Variants in TTL observed in about 807,000 individuals in gnomAD.
TTL encodes tubulin tyrosine ligase, also known as tubulin--tyrosine ligase.
TTL carries 10 observed loss-of-function variants against 41.1 expected under a neutral mutation model. The observed-to-expected ratio is 0.24, with a 90% confidence interval of 0.15 to 0.41. TTL has a LOEUF of 0.41. Ranked by LOEUF, TTL falls within the 10% of genes least tolerant of loss-of-function variation. TTL has a pLI of 1.00. For missense variants in TTL, 367 were observed against 460.4 expected, an observed-to-expected ratio of 0.80 and a Z score of 1.86; for synonymous variants, 175 against 175.5, an observed-to-expected ratio of 1.00 and a Z score of 0.02.
intron 6 of TTL, 30 bp from the exon 7 acceptor site, chr2:112,528,651 C>A: frequency 6.4e-7 from 1 of 1,564,442 alleles, no homozygotes; most frequent in South Asian, 1.1e-5. Flanking sequence ...GATGAACATC[C>A]TCAATGATAT....
chr2:112,520,557 G>A, intron 6 of TTL, 132 bp downstream of exon 6: 2 of 1,258,926 alleles, frequency 1.6e-6, no homozygotes, highest in Non-Finnish European at 2.2e-6. Flanking sequence ...CCCTTGGGAG[G>A]ACTCTATCTG....
intron 3 of TTL, among the ~76,000 whole-genome samples, chr2:112,499,763 A>G (rs983901339): frequency 1.1e-4 from 16 of 152,240 alleles, no homozygotes; most frequent in Admixed American, 3.9e-4. Context: ...ACAACTTTCA[A>G]AACTTAACAG....
intron 4 of TTL, 54 bp from the exon 5 acceptor site, chr2:112,502,858 A>G: frequency 6.4e-7 from 1 of 1,560,510 alleles, no homozygotes; most frequent in Non-Finnish European, 8.7e-7. Context: ...GATGTATATA[A>G]TATGCAGAAA....
At position 112,482,359 on chromosome 2, in the gene TTL, G is replaced by A. The variant is rs1397665185; in HGVS notation, c.15G>A (p.Val5=). The part of the protein sequence containing the change: MYTF[V]VRDENSSVYA... ...GGCGCTTCGCCATGTACACCTTCGT[G>A]GTACGCGATGAGAACAGCAGCGTCT... The change falls in exon 1 of 7, where the codon GTG becomes GTA. Residue 5 remains valine, a synonymous_variant. Coordinates refer to ENST00000233336, the MANE Select transcript of TTL (RefSeq NM_153712.5). The surrounding 1 kb of genome is among the most constrained non-coding windows in gnomAD (Gnocchi z 5.3). 6 of 1,562,170 alleles carry A rather than the reference G, an allele frequency of 3.8e-6. No individual in the cohort carries two copies. Among genetic ancestry groups the A allele is most frequent in the South Asian group, 2.3e-5 (2 of 85,310 alleles).
Position 112,519,249 on chromosome 2 carries a change from A to G in TTL, c.876-1033A>G, listed in dbSNP as rs928702020. Among the ~76,000 whole-genome samples, 7 of 152,348 alleles carry G rather than the reference A, an allele frequency of 4.6e-5. No individual in the cohort carries two copies. The East Asian group carries it at 7.7e-4, about 17-fold the overall frequency. On this transcript the variant is annotated intron_variant, in intron 5 of 6. Transcript: ENST00000233336. The stretch of plus-strand genomic sequence containing the variant: ...AAAATTGTTCATAACAGTAACATTT[A>G]TTAAAATGCTTCCTAGGTGCCAGGA...
At chr2:112,501,448 T>G (rs1366528486) in intron 4 of TTL, 107 bp downstream of exon 4, 1 of 997,684 alleles carries the variant, frequency 1.0e-6, no homozygotes, top group Non-Finnish European at 1.4e-6. Flanking sequence ...TGACCATGTT[T>G]AATATGTTAC....
rs1394345291 is a variant in TTL, at chr2:112,541,250, T to C, written c.*12455T>C. The C allele has an allele frequency of 6.6e-6, 1 of 152,130 alleles. No individual in the cohort carries two copies. Among genetic ancestry groups the C allele is most frequent in the Non-Finnish European group, 1.5e-5 (1 of 68,010 alleles). 9.4% of individuals were successfully genotyped at this position (152,130 alleles called of 1,614,324 possible). A position where few individuals can be genotyped will look rare whatever the true frequency, so the allele number is the denominator to read the frequency against. On this transcript the variant is annotated 3_prime_UTR_variant, in exon 7 of 7. Transcript: ENST00000233336. The stretch of plus-strand genomic sequence containing the variant: ...CACTTCAAAATTAAAACGTTTTGCT[T>C]CAAAGGACACCAGCAAGAAAGTAAA...
rs1574075411 is a variant in TTL, at chr2:112,529,212, G to C, written c.*417G>C. The C allele has an allele frequency of 7.5e-5, 22 of 293,152 alleles. No individual in the cohort carries two copies. The East Asian group carries it at 1.1e-3, about 15-fold the overall frequency. 18.2% of individuals were successfully genotyped at this position (293,152 alleles called of 1,614,324 possible). A position where few individuals can be genotyped will look rare whatever the true frequency, so the allele number is the denominator to read the frequency against. On this transcript the variant is annotated 3_prime_UTR_variant, in exon 7 of 7. Coordinates refer to ENST00000233336, the MANE Select transcript of TTL (RefSeq NM_153712.5). ...TCAGAGCATATTGGAGGTTGCCTGT[G>C]TGTTCCCCACCCATCCCTTCGGTAA...
chr2:112,519,763 C>A (rs934379690), intron 5 of TTL, among the ~76,000 whole-genome samples: 1 of 152,036 alleles, frequency 6.6e-6, no homozygotes, highest in African/African-American at 2.4e-5. Context: ...TGGAAGAACA[C>A]GAGTGGTTGC....
chr2:112,525,837 G>A (rs1273656796), intron 6 of TTL, among the ~76,000 whole-genome samples: 5 of 152,130 alleles, frequency 3.3e-5, no homozygotes, highest in Admixed American at 1.3e-4. Flanking sequence ...AATAGGAGTG[G>A]TGAGAGAGGG....
At chr2:112,517,989 A>G (rs1281086885) in intron 5 of TTL, among the ~76,000 whole-genome samples, 1 of 150,712 alleles carries the variant, frequency 6.6e-6, no homozygotes, top group East Asian at 2.1e-4. Flanking sequence ...TCTGTTTCCC[A>G]GGCTGGAGTG....
At chr2:112,485,867 C>G (rs376010029) in intron 1 of TTL, 50 bp from the exon 2 acceptor site, 2 of 1,524,532 alleles carry the variant, frequency 1.3e-6, no homozygotes, top group African/African-American at 2.8e-5. Context: ...TGTCCTCTCT[C>G]CTGCTTGCTG....
intron 5 of TTL, among the ~76,000 whole-genome samples, chr2:112,515,992 AAATAAATG>A (rs778070923): frequency 9.6e-6 from 1 of 103,770 alleles, no homozygotes; most frequent in Non-Finnish European, 2.1e-5. Flanking sequence ...ATAAATAAAT[AAATAAATG>A]CCCTGCCAAA....
At chr2:112,514,810 C>T (rs750872449) in intron 5 of TTL, among the ~76,000 whole-genome samples, 1 of 152,128 alleles carries the variant, frequency 6.6e-6, no homozygotes. Flanking sequence ...GATCCATTCT[C>T]CTCTTCTTCT....
chr2:112,514,115 A>C (rs1682002500), intron 5 of TTL, among the ~76,000 whole-genome samples: 1 of 151,968 alleles, frequency 6.6e-6, no homozygotes, highest in Admixed American at 6.6e-5. Flanking sequence ...CAGGCGCGGC[A>C]CCTCACACCT....
At chr2:112,519,871 C>T (rs1161038637) in intron 5 of TTL, among the ~76,000 whole-genome samples, 1 of 152,100 alleles carries the variant, frequency 6.6e-6, no homozygotes, top group Non-Finnish European at 1.5e-5. Flanking sequence ...TGGCTCGCAC[C>T]TGTAATCCCA....
chr2:112,517,953 C>CA (rs1553514409), intron 5 of TTL, among the ~76,000 whole-genome samples: 1 of 147,994 alleles, frequency 6.8e-6, no homozygotes, highest in Non-Finnish European at 1.5e-5. Flanking sequence ...CTGTCTCCTG[C>CA]TTTTTTTTTG....
chr2:112,510,724 T>G (rs1239351915), intron 5 of TTL, among the ~76,000 whole-genome samples: 1 of 152,220 alleles, frequency 6.6e-6, no homozygotes, highest in Admixed American at 6.5e-5. Flanking sequence ...AAAGCATGTC[T>G]CAGTTTCCCT....
intron 5 of TTL, among the ~76,000 whole-genome samples, chr2:112,516,443 A>G (rs1197466038): frequency 1.3e-5 from 2 of 152,176 alleles, no homozygotes; most frequent in Non-Finnish European, 2.9e-5. Context: ...TGGGAGACCA[A>G]GGTGGGTGGA....
Sources: allele counts gnomAD v4.1 joint callset (sites outside exome capture counted in the v4.1 genomes callset), GRCh38; gene constraint gnomAD v4.1.1; non-coding constraint Gnocchi (gnomAD v3.1); transcripts MANE v1.5; gene names NCBI Gene and HGNC (gene_info 2026-07-23, HGNC 2026-07-21).